Variants in ARHGAP18 observed in about 807,000 individuals in gnomAD.
The protein encoded by ARHGAP18 is rho GTPase-activating protein 18.
ARHGAP18 carries 67 observed loss-of-function variants against 86.2 expected under a neutral mutation model. The ratio of observed to expected loss-of-function variants is 0.78; its 90% CI spans 0.64 to 0.95. ARHGAP18 has a LOEUF of 0.95. Among genes scored for constraint, ARHGAP18 ranks in the 40% least tolerant of loss-of-function variants. The pLI, the probability that ARHGAP18 is intolerant of heterozygous loss-of-function variation, is 0.00. For missense variants in ARHGAP18, 691 were observed against 780.4 expected (o/e 0.89, Z 1.37); for synonymous variants, 283 against 280.4 (o/e 1.01, Z -0.09).
intron 5 of ARHGAP18, among the ~76,000 whole-genome samples, chr6:129,623,374 A>C (rs1789272785): frequency 6.6e-6 from 1 of 152,218 alleles, no homozygotes; most frequent in African/African-American, 2.4e-5. Flanking sequence ...AATTTCTGAG[A>C]TATAACATGT....
At chr6:129,620,041 A>T (rs1395491839) in intron 5 of ARHGAP18, among the ~76,000 whole-genome samples, 1 of 152,140 alleles carries the variant, frequency 6.6e-6, no homozygotes, top group Non-Finnish European at 1.5e-5. Context: ...GCACTGCCCA[A>T]GTGCTTTTAT....
At chr6:129,613,993 A>G (rs1392255319) in intron 7 of ARHGAP18, among the ~76,000 whole-genome samples, 3 of 152,228 alleles carry the variant, frequency 2.0e-5, no homozygotes, top group Non-Finnish European at 4.4e-5. Flanking sequence ...TTCATTTGAC[A>G]GTGAAAACAC....
intron 12 of ARHGAP18, among the ~76,000 whole-genome samples, chr6:129,589,518 G>A (rs1348278542): frequency 1.3e-5 from 2 of 152,140 alleles, no homozygotes; most frequent in Non-Finnish European, 2.9e-5. Context: ...TCTCTAGGAA[G>A]TTCCAAACTT....
chr6:129,641,005 T>C (rs1395450903), intron 2 of ARHGAP18, among the ~76,000 whole-genome samples: 3 of 152,174 alleles, frequency 2.0e-5, no homozygotes, highest in African/African-American at 7.2e-5. Context: ...ATGGGAAATA[T>C]GGCTGGAAAG....
At chr6:129,684,793 G>A (rs976229716) in intron 1 of ARHGAP18, among the ~76,000 whole-genome samples, 1 of 152,102 alleles carries the variant, frequency 6.6e-6, no homozygotes, top group African/African-American at 2.4e-5. Context: ...CAAGAAATTT[G>A]TCTAATAAAT....
intron 13 of ARHGAP18, among the ~76,000 whole-genome samples, chr6:129,583,507 C>A (rs74605779): frequency 6.6e-6 from 1 of 152,126 alleles, no homozygotes; most frequent in East Asian, 1.9e-4. Context: ...CGCTCAAAGG[C>A]CTGGTTTTCC....
intron 12 of ARHGAP18, 24 bp downstream of exon 12, chr6:129,599,192 T>A (rs769817264): frequency 2.7e-6 from 4 of 1,495,606 alleles, no homozygotes; most frequent in Non-Finnish European, 2.7e-6. Flanking sequence ...TCTGAATAAA[T>A]ACATATCTCC....
chr6:129,619,761 T>C (rs982301053), intron 5 of ARHGAP18, among the ~76,000 whole-genome samples: 6 of 151,578 alleles, frequency 4.0e-5, no homozygotes, highest in African/African-American at 7.3e-5. Context: ...CATACACTTA[T>C]GTATCTTTTA....
chr6:129,624,182 C>T, intron 5 of ARHGAP18, among the ~76,000 whole-genome samples: 1 of 152,274 alleles, frequency 6.6e-6, no homozygotes. Context: ...TTAGATTCTA[C>T]TGTCCTTCAA....
intron 1 of ARHGAP18, among the ~76,000 whole-genome samples, chr6:129,668,362 TCACACACACACACACACACACACACACA>T (rs35153109): frequency 7.3e-6 from 1 of 137,758 alleles, no homozygotes. Context: ...ACCCAAATAA[TCACACACACACACACACACACACACACA>T]CACACACACA....
intron 2 of ARHGAP18, among the ~76,000 whole-genome samples, chr6:129,640,656 G>A (rs953876858): frequency 1.3e-5 from 2 of 152,122 alleles, no homozygotes; most frequent in African/African-American, 4.8e-5. Flanking sequence ...GCAATGTGTA[G>A]CCAAGGAAAA....
At chr6:129,593,920 G>A (rs1035540600) in intron 12 of ARHGAP18, among the ~76,000 whole-genome samples, 1 of 152,152 alleles carries the variant, frequency 6.6e-6, no homozygotes, top group African/African-American at 2.4e-5. Context: ...AACTAGTGTA[G>A]TCTAGCACGT....
At chr6:129,580,522 T>G (rs994870998) in intron 13 of ARHGAP18, among the ~76,000 whole-genome samples, 1 of 152,198 alleles carries the variant, frequency 6.6e-6, no homozygotes, top group African/African-American at 2.4e-5. Context: ...ATTACTCTTA[T>G]TCAATAAGTA....
intron 10 of ARHGAP18, among the ~76,000 whole-genome samples, chr6:129,601,164 A>G (rs760735881): frequency 1.3e-5 from 2 of 152,226 alleles, no homozygotes; most frequent in Non-Finnish European, 2.9e-5. Context: ...GCTGAAAAGT[A>G]ATGTAAAACA....
At chr6:129,661,966 G>C in intron 1 of ARHGAP18, 2 of 962,156 alleles carry the variant, frequency 2.1e-6, no homozygotes, top group Non-Finnish European at 2.5e-6. Flanking sequence ...TCACTACCTG[G>C]TGTTGCCACA....
intron 5 of ARHGAP18, among the ~76,000 whole-genome samples, chr6:129,621,868 T>C (rs1431912106): frequency 2.0e-5 from 3 of 152,182 alleles, no homozygotes; most frequent in Non-Finnish European, 4.4e-5. Flanking sequence ...CTCAGTTAAG[T>C]GCCTTAAACA....
intron 1 of ARHGAP18, among the ~76,000 whole-genome samples, chr6:129,662,305 A>G (rs1317379688): frequency 6.6e-6 from 1 of 152,246 alleles, no homozygotes; most frequent in East Asian, 1.9e-4. Flanking sequence ...ACAGCAACCC[A>G]GTGTGAAGGG....
rs1441687953 is a variant in ARHGAP18 at position 129,641,998 on chromosome 6, G to T, written c.134C>A (p.Thr45Asn). ...ATSSRRYGQYTMNQESTTIKV... is the reference protein window; with the variant it reads ...ATSSRRYGQYNMNQESTTIKV... ...GATGGTGGTGCTTTCCTGGTTCATAGTGTACTGGCCATATCTGCGACTGTA... is the reference window on the plus strand; with the variant it reads ...GATGGTGGTGCTTTCCTGGTTCATATTGTACTGGCCATATCTGCGACTGTA... Residue 45 changes from threonine to asparagine, a missense_variant, in exon 2 of 15, where the codon ACT (threonine) becomes AAT (asparagine). Transcript: ENST00000368149. 3.7e-6 allele frequency: 6 copies of T among 1,613,968 alleles called. No homozygotes were observed. The highest frequency in any genetic ancestry group is 1.7e-4 in the Middle Eastern group (1 of 6,060).
At chr6:129,698,323 C>G (rs752563439) in intron 1 of ARHGAP18, among the ~76,000 whole-genome samples, 5 of 152,070 alleles carry the variant, frequency 3.3e-5, no homozygotes, top group Non-Finnish European at 5.9e-5. Context: ...CTGAGTTACC[C>G]AAATCTCTAA....
Sources: allele counts gnomAD v4.1 joint callset (sites outside exome capture counted in the v4.1 genomes callset), GRCh38; gene constraint gnomAD v4.1.1; transcripts MANE v1.5; gene names NCBI Gene and HGNC (gene_info 2026-07-23, HGNC 2026-07-21).